Variants in RERE observed in about 807,000 individuals in gnomAD.
RERE encodes arginine-glutamic acid dipeptide repeats protein.
In RERE, 40 loss-of-function variants were observed where a neutral mutation model predicts 146.1. The observed-to-expected ratio is 0.27, with a 90% CI of 0.21 to 0.36. RERE has a LOEUF of 0.36. Among genes scored for constraint, RERE ranks in the 10% least tolerant of loss-of-function variants. The pLI is 1.00. For synonymous variants in RERE, 1,003 were observed against 866.0 expected, an observed-to-expected ratio of 1.16 and a Z score of -2.78; for missense variants, 1,933 against 2,138.7, an observed-to-expected ratio of 0.90 and a Z score of 1.90.
chr1:8,614,547 G>T lies in RERE; in HGVS notation c.522+14C>A. On this transcript the variant is annotated intron_variant, in intron 4 of 22. Coordinates refer to ENST00000400908, the MANE Select transcript of RERE (RefSeq NM_001042681.2). The stretch of plus-strand genomic sequence containing the variant: ...TAAAATACTGATAGCTTTTAAAAAC[G>T]GGATTCTCCTTACCCCTACAGGCCC... The T allele has an allele frequency of 6.2e-7, 1 of 1,601,504 alleles. No individual in the cohort carries two copies. Among genetic ancestry groups the T allele is most frequent in the African/African-American group, 1.3e-5 (1 of 74,140 alleles).
At chr1:8,600,630 A>G (rs1646610060) in intron 4 of RERE, among the ~76,000 whole-genome samples, 1 of 152,204 alleles carries the variant, frequency 6.6e-6, no homozygotes, top group South Asian at 2.1e-4. Flanking sequence ...CCCACCTTCC[A>G]GAGAAAATTA....
At chr1:8,530,712 T>G (rs1570398101) in intron 7 of RERE, among the ~76,000 whole-genome samples, 1 of 123,258 alleles carries the variant, frequency 8.1e-6, no homozygotes, top group South Asian at 2.7e-4. Context: ...TGAGACGGAG[T>G]CTCGCTCTGT....
rs543365065 is a variant in RERE at position 8,706,740 on chromosome 1, G to C, written c.-144-50299C>G. Among the ~76,000 whole-genome samples the C allele has an allele frequency of 1.3e-4, 20 of 152,200 alleles. No individual in the cohort carries two copies. The East Asian group carries it at 3.9e-3, about 29-fold the overall frequency. ...TTCTCTAAGTAACAGACCTGACATG[G>C]AAGCCTTCGAAAGAGCTCTTTCCAC... On this transcript the variant is annotated intron_variant, in intron 1 of 22. Transcript: ENST00000400908.
At chr1:8,427,213 G>A (rs1644026817) in intron 11 of RERE, among the ~76,000 whole-genome samples, 1 of 152,088 alleles carries the variant, frequency 6.6e-6, no homozygotes, top group African/African-American at 2.4e-5. Context: ...CAGTGGAAAT[G>A]GACTGTTGAA....
Position 8,358,230 on chromosome 1 carries a change from G to A in RERE, c.4305C>T (p.His1435=), listed in dbSNP as rs751232315. ...HHHQHSHIHS[H]LHLHQQDPLH... ...GGGGGTCCTGCTGGTGGAGGTGGAG[G>A]TGGGAGTGAATGTGAGAGTGCTGGT... Residue 1435 remains histidine, a synonymous_variant, in exon 20 of 23, where the codon CAC becomes CAT. Transcript: ENST00000400908. 6 of 1,604,212 alleles carry A rather than the reference G, an allele frequency of 3.7e-6. No individual in the cohort carries two copies. Among genetic ancestry groups the A allele is most frequent in the South Asian group, 2.2e-5 (2 of 90,798 alleles).
At chr1:8,514,083 A>G (rs1231069258) in intron 7 of RERE, among the ~76,000 whole-genome samples, 1 of 152,248 alleles carries the variant, frequency 6.6e-6, no homozygotes, top group African/African-American at 2.4e-5. Flanking sequence ...AATGCCTTTC[A>G]GTGTAGAGAA....
At chr1:8,581,690 G>A (rs1005925654) in intron 4 of RERE, among the ~76,000 whole-genome samples, 1 of 152,136 alleles carries the variant, frequency 6.6e-6, no homozygotes, top group African/African-American at 2.4e-5. Flanking sequence ...TTATTGAAAA[G>A]ATTTTTTTCC....
At chr1:8,795,739 T>C (rs991173030) in intron 1 of RERE, among the ~76,000 whole-genome samples, 3 of 152,006 alleles carry the variant, frequency 2.0e-5, no homozygotes, top group African/African-American at 7.2e-5. Context: ...TCCCAGCACT[T>C]TGGGAGGCCA....
chr1:8,493,395 G>A (rs1404296406), intron 10 of RERE, among the ~76,000 whole-genome samples: 4 of 152,160 alleles, frequency 2.6e-5, no homozygotes, highest in South Asian at 2.1e-4. Flanking sequence ...CAATATTTAT[G>A]ACAATGTGAA....
At chr1:8,413,564 G>A (rs1643674584) in intron 12 of RERE, among the ~76,000 whole-genome samples, 1 of 151,912 alleles carries the variant, frequency 6.6e-6, no homozygotes, top group South Asian at 2.1e-4. Context: ...GGCTAGACTT[G>A]AACTCCTGGG....
intron 1 of RERE, among the ~76,000 whole-genome samples, chr1:8,681,110 C>T (rs1032901804): frequency 6.6e-6 from 1 of 152,130 alleles, no homozygotes; most frequent in Non-Finnish European, 1.5e-5. Flanking sequence ...TCTTTTCTAA[C>T]TTACAGAAAA....
chr1:8,362,804 C>A lies in RERE; in HGVS notation c.1781G>T (p.Ser594Ile). ...GATGGGTGAGGTGCGACCATCAGGGCTGGCTGGCTGCTTCTTCCGACCACT... is the reference window on the plus strand; with the variant it reads ...GATGGGTGAGGTGCGACCATCAGGGATGGCTGGCTGCTTCTTCCGACCACT... ...LRSGRKKQPA[S>I]PDGRTSPINE... is the part of the protein sequence containing the mutation. Residue 594 changes from serine to isoleucine, a missense_variant, in exon 16 of 23, where the codon AGC becomes ATC. Ser to Ile is a moderately radical substitution (Grantham distance 142). Transcript: ENST00000400908. 1 of 1,614,092 alleles carries A rather than the reference C, an allele frequency of 6.2e-7. No individual in the cohort carries two copies. Among genetic ancestry groups the A allele is most frequent in the Non-Finnish European group, 8.5e-7 (1 of 1,180,000 alleles).
At chr1:8,535,169 C>T (rs569269872) in intron 7 of RERE, among the ~76,000 whole-genome samples, 2 of 151,964 alleles carry the variant, frequency 1.3e-5, no homozygotes, top group African/African-American at 4.8e-5. Context: ...ATAACAATAA[C>T]GCAAACTGAG....
intron 1 of RERE, among the ~76,000 whole-genome samples, chr1:8,747,196 T>C (rs1436312690): frequency 6.6e-6 from 1 of 151,980 alleles, no homozygotes; most frequent in Non-Finnish European, 1.5e-5. Context: ...AGAGACAGGG[T>C]TTCACCATGT....
intron 2 of RERE, among the ~76,000 whole-genome samples, chr1:8,642,516 TTG>T (rs1647193777): frequency 6.6e-6 from 1 of 152,230 alleles, no homozygotes; most frequent in Non-Finnish European, 1.5e-5. Flanking sequence ...TACTTGAGGT[TTG>T]TGTTAATAGA....
Position 8,356,255 on chromosome 1 carries a change from A to G in RERE, c.4340-9T>C. The G allele has an allele frequency of 1.3e-6, 2 of 1,518,020 alleles. No individual in the cohort carries two copies. The highest frequency in any genetic ancestry group is 1.7e-6 in the Non-Finnish European group (2 of 1,144,972). 94.0% of individuals were successfully genotyped at this position (1,518,020 alleles called of 1,614,324 possible). On this transcript the variant is annotated splice_polypyrimidine_tract_variant and intron_variant, in intron 20 of 22. Coordinates refer to ENST00000400908, the MANE Select transcript of RERE (RefSeq NM_001042681.2). This position sits in a 1 kb window ranked among gnomAD's most constrained non-coding sequence, Gnocchi z 5.2. ...AACGGGGCCTGCTGAACCTAAGGAA[A>G]GGACAAAACGCCAGATGGAGGCGGT... is the stretch of plus-strand genomic sequence containing the variant.
chr1:8,595,088 G>A (rs1195330145), intron 4 of RERE, among the ~76,000 whole-genome samples: 1 of 151,208 alleles, frequency 6.6e-6, no homozygotes, highest in Non-Finnish European at 1.5e-5. Flanking sequence ...TTGAGCCCAG[G>A]AGCTTAAGGC....
At chr1:8,663,509 A>G (rs1197668343) in intron 1 of RERE, among the ~76,000 whole-genome samples, 1 of 152,168 alleles carries the variant, frequency 6.6e-6, no homozygotes, top group Non-Finnish European at 1.5e-5. Flanking sequence ...AGCCATCATC[A>G]TCCCTCATGC....
intron 11 of RERE, among the ~76,000 whole-genome samples, chr1:8,452,341 A>G (rs554680394): frequency 6.6e-6 from 1 of 152,082 alleles, no homozygotes; most frequent in East Asian, 1.9e-4. Context: ...CAACTCAAGC[A>G]CTCATTTACA....
Sources: allele counts gnomAD v4.1 joint callset (sites outside exome capture counted in the v4.1 genomes callset), GRCh38; gene constraint gnomAD v4.1.1; non-coding constraint Gnocchi (gnomAD v3.1); transcripts MANE v1.5; gene names NCBI Gene and HGNC (gene_info 2026-07-23, HGNC 2026-07-21).